The following GRID2 variants were observed in gnomAD, a reference collection of about 807,000 sequenced individuals.
The protein encoded by GRID2 is glutamate ionotropic receptor delta type subunit 2, also known as glutamate receptor ionotropic, delta-2.
Under a neutral mutation model 114.8 loss-of-function variants are expected in GRID2, and 33 were observed. The observed-to-expected ratio is 0.29, with a 90% CI of 0.22 to 0.38. The LOEUF (loss-of-function observed/expected upper bound fraction) is 0.38, where lower values mean the gene tolerates loss of function less well. Ranked by LOEUF, GRID2 falls within the 10% of genes least tolerant of loss-of-function variation. The pLI is 1.00. For synonymous variants in GRID2, 505 were observed against 449.9 expected (o/e 1.12, Z -1.55); for missense variants, 1,184 against 1,257.7 (o/e 0.94, Z 0.89).
chr4:93,360,310 C>T (rs546612295), intron 8 of GRID2, among the ~76,000 whole-genome samples: 20 of 151,964 alleles, frequency 1.3e-4, no homozygotes, highest in Middle Eastern at 3.6e-3. Context: ...CTCTATCTTG[C>T]GAAATAATGT....
At chr4:92,651,870 A>G (rs1731950861) in intron 2 of GRID2, among the ~76,000 whole-genome samples, 1 of 152,080 alleles carries the variant, frequency 6.6e-6, no homozygotes, top group Admixed American at 6.5e-5. Flanking sequence ...ATGTCTGCAT[A>G]TTGTGCAGAA....
chr4:92,563,390 A>T (rs1222129929), intron 1 of GRID2, among the ~76,000 whole-genome samples: 1 of 152,084 alleles, frequency 6.6e-6, no homozygotes, highest in African/African-American at 2.4e-5. Flanking sequence ...TAATATATAA[A>T]CTAAAGAAGT....
At chr4:93,316,339 A>AGAAAGAAGGAAGGAAGGAAG (rs1192535496) in intron 8 of GRID2, among the ~76,000 whole-genome samples, 4 of 54,960 alleles carry the variant, frequency 7.3e-5, no homozygotes, top group Admixed American at 1.9e-4. Flanking sequence ...AAAGAAAGAA[A>AGAAAGAAGGAAGGAAGGAAG]GAAGGAAGGA....
At chr4:93,205,930 G>A (rs760425079) in intron 4 of GRID2, among the ~76,000 whole-genome samples, 3 of 152,026 alleles carry the variant, frequency 2.0e-5, no homozygotes, top group African/African-American at 7.2e-5. Flanking sequence ...ATTTGTTCAC[G>A]TGTTTTTTGG....
At chr4:93,446,774 A>G (rs1005441302) in intron 10 of GRID2, among the ~76,000 whole-genome samples, 7 of 152,028 alleles carry the variant, frequency 4.6e-5, no homozygotes, top group African/African-American at 1.4e-4. Context: ...ACATAACCAC[A>G]TCTGTAAGTT....
chr4:92,633,337 T>A (rs1364594942), intron 2 of GRID2, among the ~76,000 whole-genome samples: 1 of 152,092 alleles, frequency 6.6e-6, no homozygotes, highest in East Asian at 1.9e-4. Flanking sequence ...ACAACTTAAA[T>A]TTGGAAAATT....
intron 2 of GRID2, among the ~76,000 whole-genome samples, chr4:92,998,831 AT>A (rs1164484068): frequency 6.6e-6 from 1 of 151,676 alleles, no homozygotes; most frequent in African/African-American, 2.4e-5. Context: ...ATTTAAAAAA[AT>A]ATTATTTAAC....
intron 4 of GRID2, among the ~76,000 whole-genome samples, chr4:93,200,412 A>G (rs1031675140): frequency 1.3e-5 from 2 of 151,962 alleles, no homozygotes; most frequent in African/African-American, 2.4e-5. Flanking sequence ...TAAAAATACA[A>G]AAAATTAGCC....
chr4:92,547,992 C>G (rs932142845), intron 1 of GRID2, among the ~76,000 whole-genome samples: 2 of 152,014 alleles, frequency 1.3e-5, no homozygotes, highest in African/African-American at 2.4e-5. Context: ...AAAGAACTTA[C>G]AAGACCTGAA....
chr4:92,814,243 T>G (rs562743526), intron 2 of GRID2, among the ~76,000 whole-genome samples: 14 of 152,144 alleles, frequency 9.2e-5, no homozygotes, highest in Non-Finnish European at 1.6e-4. Context: ...TACCAACAGA[T>G]AGAACCCACA....
chr4:93,110,790 A>T lies in GRID2; in HGVS notation c.572A>T (p.Gln191Leu). 6.2e-7 allele frequency: 1 copy of T among 1,613,178 alleles called. No individual in the cohort carries two copies. Among genetic ancestry groups the T allele is most frequent in the Non-Finnish European group, 8.5e-7 (1 of 1,179,116 alleles). Residue 191 changes from glutamine (Q) to leucine (L), a missense_variant, in exon 4 of 16, where the codon CAG (glutamine) becomes CTG (leucine). By Grantham distance (113) the Gln-to-Leu change is moderately radical. Transcript: ENST00000282020. ...GAGTTCTTGGACAAAGTCTCTCAGC[A>T]GGGAATGGATGTTGCACTTCAGAAG... ...IQEFLDKVSQ[Q>L]GMDVALQKVE...
At chr4:92,612,612 G>C (rs556094243) in intron 2 of GRID2, among the ~76,000 whole-genome samples, 12 of 151,338 alleles carry the variant, frequency 7.9e-5, no homozygotes, top group Non-Finnish European at 1.5e-4. Context: ...ATTTATATCT[G>C]CTTTAATTTC....
At chr4:93,324,465 G>C (rs563041062) in intron 8 of GRID2, among the ~76,000 whole-genome samples, 1 of 152,240 alleles carries the variant, frequency 6.6e-6, no homozygotes, top group East Asian at 1.9e-4. Context: ...TTTTCAAATC[G>C]ATGTTCATCA....
intron 7 of GRID2, among the ~76,000 whole-genome samples, chr4:93,227,849 C>A (rs1049977413): frequency 6.6e-6 from 1 of 152,230 alleles, no homozygotes; most frequent in Admixed American, 6.5e-5. Flanking sequence ...TTACTCATTT[C>A]TGTCTGAGAC....
chr4:93,585,191 A>G (rs2149601200), intron 13 of GRID2, among the ~76,000 whole-genome samples: 1 of 152,170 alleles, frequency 6.6e-6, no homozygotes, highest in Admixed American at 6.6e-5. Flanking sequence ...TATTTTCAGG[A>G]TCATACTGGC....
At chr4:92,836,678 T>C (rs565968672) in intron 2 of GRID2, among the ~76,000 whole-genome samples, 52 of 152,252 alleles carry the variant, frequency 3.4e-4, no homozygotes, top group African/African-American at 1.1e-3. Flanking sequence ...TTAGAGCATG[T>C]AGGCTGAGTA....
At chr4:92,744,627 C>T (rs954467) in intron 2 of GRID2, among the ~76,000 whole-genome samples, 89,524 of 151,910 alleles carry the variant, frequency 0.59, 27,495 homozygotes, top group Middle Eastern at 0.77. Context: ...GAATCTGGTA[C>T]ACCCACTGCC....
intron 2 of GRID2, among the ~76,000 whole-genome samples, chr4:92,647,140 T>G (rs1731685513): frequency 6.6e-6 from 1 of 152,190 alleles, no homozygotes; most frequent in African/African-American, 2.4e-5. Context: ...TGATCCTGTA[T>G]AACTTACTTT....
chr4:92,717,943 T>G (rs1735625119), intron 2 of GRID2, among the ~76,000 whole-genome samples: 1 of 152,284 alleles, frequency 6.6e-6, no homozygotes, highest in South Asian at 2.1e-4. Context: ...ATGATTGTTT[T>G]AACATTAAAT....
Sources: allele counts gnomAD v4.1 joint callset (sites outside exome capture counted in the v4.1 genomes callset), GRCh38; gene constraint gnomAD v4.1.1; transcripts MANE v1.5; gene names NCBI Gene and HGNC (gene_info 2026-07-23, HGNC 2026-07-21).